Variants in BCAP31 observed in about 807,000 individuals in gnomAD.
BCAP31 encodes B-cell receptor-associated protein 31.
For synonymous variants in BCAP31, 75 were observed against 80.9 expected (o/e 0.93, Z 0.39); for missense variants, 124 against 193.0 (o/e 0.64, Z 2.12).
At position 153,723,985 on chromosome X, in the gene BCAP31, C is replaced by A. The variant is rs1557051725; in HGVS notation, c.-45+349G>T. The A allele has an allele frequency of 7.3e-6, 3 of 409,943 alleles. No individual in the cohort carries two copies. The South Asian group carries it at 7.7e-5, about 10-fold the overall frequency. The allele number at this position is 409,943 out of a possible 1,213,427, so 33.8% of individuals were successfully genotyped here. A position where few individuals can be genotyped will look rare whatever the true frequency, so the allele number is the denominator to read the frequency against. ...GGCCCCATACGGAGAAAGTTCTAGA[C>A]GCAGTATCCTCAGAAGCCAGGGGTC... On this transcript the variant is annotated intron_variant, in intron 1 of 7. Transcript: ENST00000345046.
Position 153,720,888 on chromosome X carries a change from A to C in BCAP31, c.177T>G (p.Leu59=). ...NTFFVVLIVI[L]VLLVIDAVRE... ...CTCACTCACCGATGACCAACAGCAC[A>C]AGGATGACAATGAGAACCACAAAGA... Residue 59 remains leucine, a synonymous_variant, in exon 3 of 8, where the codon CTT becomes CTG. Coordinates refer to ENST00000345046, the MANE Select transcript of BCAP31 (RefSeq NM_001256447.2). The C allele has an allele frequency of 8.3e-7, 1 of 1,211,798 alleles. No homozygotes were observed. Among genetic ancestry groups the C allele is most frequent in the East Asian group, 3.0e-5 (1 of 33,857 alleles).
intron 4 of BCAP31, among the ~76,000 whole-genome samples, chrX:153,710,218 G>A (rs77101412): frequency 1.4e-4 from 16 of 111,771 alleles, no homozygotes; most frequent in African/African-American, 4.2e-4. Flanking sequence ...ATGTGATAGC[G>A]AGCCACTGGA....
chrX:153,721,101 T>A (rs1557050968), intron 2 of BCAP31, 129 bp from the exon 3 acceptor site: 1 of 528,323 alleles, frequency 1.9e-6, no homozygotes, highest in African/African-American at 2.4e-5. Flanking sequence ...AAAGTCAGCC[T>A]CAGTGGCTTG....
At chrX:153,710,009 G>A (rs1488942085) in intron 4 of BCAP31, among the ~76,000 whole-genome samples, 1 of 112,565 alleles carries the variant, frequency 8.9e-6, no homozygotes, top group Non-Finnish European at 1.9e-5. Context: ...GGGAAGCCTC[G>A]GAGATTCACG....
intron 5 of BCAP31, among the ~76,000 whole-genome samples, chrX:153,703,453 G>A (rs1486329057): frequency 2.7e-5 from 3 of 112,851 alleles, no homozygotes; most frequent in Non-Finnish European, 5.6e-5. Flanking sequence ...GGAGCCCCCA[G>A]TCGGCCTGGC....
chrX:153,711,544 C>T (rs1210365614), intron 4 of BCAP31, among the ~76,000 whole-genome samples: 2 of 112,274 alleles, frequency 1.8e-5, no homozygotes, highest in East Asian at 5.6e-4. Flanking sequence ...CCATGAGTAC[C>T]TGCTCGCGCC....
intron 4 of BCAP31, 90 bp downstream of exon 4, chrX:153,715,452 A>C: frequency 9.0e-7 from 1 of 1,117,294 alleles, no homozygotes; most frequent in Non-Finnish European, 1.2e-6. Flanking sequence ...AATCAAAGTC[A>C]CAGGGGGGAG....
intron 4 of BCAP31, among the ~76,000 whole-genome samples, chrX:153,708,471 C>T (rs2091568930): frequency 8.9e-6 from 1 of 112,680 alleles, no homozygotes; most frequent in Admixed American, 9.3e-5. Flanking sequence ...AGTCATTCAA[C>T]CCCCAGCCCC....
chrX:153,723,726 A>C (rs781783249), intron 1 of BCAP31: 187 of 1,111,227 alleles, frequency 1.7e-4, no homozygotes, highest in Non-Finnish European at 2.2e-4. Context: ...TGCGGGCCCA[A>C]ATCCCCGCTA....
rs782154846 is a variant in BCAP31 at position 153,700,765 on chromosome X, T to C, written c.*172A>G. 18 of 447,756 alleles carry C rather than the reference T, an allele frequency of 4.0e-5. No individual in the cohort carries two copies. Among genetic ancestry groups the C allele is most frequent in the Non-Finnish European group, 6.8e-5 (18 of 262,869 alleles). The allele number at this position is 447,756 out of a possible 1,213,427, so 36.9% of individuals were successfully genotyped here. A position where few individuals can be genotyped will look rare whatever the true frequency, so the allele number is the denominator to read the frequency against. ...CGTGTAGCAATCAGGTCCCCTGTAA[T>C]GTGCTTGGAGAGTGTGGACAAGGGC... is the stretch of plus-strand genomic sequence containing the variant. On this transcript the variant is annotated 3_prime_UTR_variant, in exon 8 of 8. Coordinates refer to ENST00000345046, the MANE Select transcript of BCAP31 (RefSeq NM_001256447.2).
chrX:153,709,826 G>A (rs1353922292), intron 4 of BCAP31, among the ~76,000 whole-genome samples: 5 of 113,187 alleles, frequency 4.4e-5, no homozygotes, highest in Middle Eastern at 4.6e-3. Flanking sequence ...TATGTGCCAG[G>A]CCCTTGGCAC....
chrX:153,711,904 CA>C (rs34508364), intron 4 of BCAP31, among the ~76,000 whole-genome samples: 14 of 68,023 alleles, frequency 2.1e-4, no homozygotes, highest in South Asian at 2.1e-3. Context: ...GACTCTGTCT[CA>C]AAAAAAAAAA....
intron 3 of BCAP31, among the ~76,000 whole-genome samples, chrX:153,716,101 G>A (rs1557050075): frequency 9.4e-6 from 1 of 106,698 alleles, no homozygotes; most frequent in Non-Finnish European, 1.9e-5. Context: ...GGGAGGCGGA[G>A]GTTGCAGTGA....
intron 4 of BCAP31, chrX:153,704,749 T>C (rs2091543141): frequency 8.9e-6 from 1 of 112,110 alleles, no homozygotes; most frequent in African/African-American, 3.3e-5. Flanking sequence ...GATAGAACTC[T>C]CTTCTCTGGC....
intron 3 of BCAP31, among the ~76,000 whole-genome samples, chrX:153,716,896 G>A (rs2091633066): frequency 8.9e-6 from 1 of 112,784 alleles, no homozygotes; most frequent in African/African-American, 3.2e-5. Context: ...TTCTGATTAC[G>A]AAAGGAATTC....
chrX:153,711,134 G>T (rs1163925697), intron 4 of BCAP31, among the ~76,000 whole-genome samples: 1 of 100,254 alleles, frequency 1.0e-5, no homozygotes, highest in East Asian at 3.2e-4. Flanking sequence ...GTTACTCCAT[G>T]GGCAGCCAGA....
At chrX:153,713,060 A>G (rs1461634500) in intron 4 of BCAP31, among the ~76,000 whole-genome samples, 5 of 111,499 alleles carry the variant, frequency 4.5e-5, no homozygotes, top group African/African-American at 1.3e-4. Context: ...ACAAAAAATT[A>G]GCAGGGCATG....
At chrX:153,710,760 G>A (rs1258061727) in intron 4 of BCAP31, among the ~76,000 whole-genome samples, 2 of 111,407 alleles carry the variant, frequency 1.8e-5, no homozygotes, top group Non-Finnish European at 3.8e-5. Flanking sequence ...TATGTGTTCT[G>A]AGCCCAGTCC....
chrX:153,706,328 C>G (rs1402576184), intron 4 of BCAP31, among the ~76,000 whole-genome samples: 2 of 112,206 alleles, frequency 1.8e-5, no homozygotes, highest in Admixed American at 9.4e-5. Context: ...CTTCAACTGC[C>G]TCCTTCCTGG....
Sources: gnomAD v4.1 joint callset for allele counts (sites outside exome capture counted in the v4.1 genomes callset) on GRCh38, gnomAD v4.1.1 for gene constraint, MANE v1.5 for transcripts, NCBI Gene and HGNC (gene_info 2026-07-23, HGNC 2026-07-21) for gene names.